Variants in ANKDD1A observed in about 807,000 individuals in gnomAD.
The protein encoded by ANKDD1A is ankyrin repeat and death domain-containing protein 1A.
ANKDD1A carries 59 observed loss-of-function variants against 63.5 expected under a neutral mutation model. The ratio of observed to expected loss-of-function variants is 0.93; its 90% CI spans 0.75 to 1.15. The LOEUF (loss-of-function observed/expected upper bound fraction) is 1.15, where lower values mean the gene tolerates loss of function less well. Among genes scored for constraint, ANKDD1A ranks in the 50% most tolerant of loss-of-function variants. The pLI, the probability that ANKDD1A is intolerant of heterozygous loss-of-function variation, is 0.00. For missense variants in ANKDD1A, 632 were observed against 656.4 expected (o/e 0.96, Z 0.41); for synonymous variants, 266 against 263.9 (o/e 1.01, Z -0.08).
At chr15:64,925,209 C>G (rs1336158614) in intron 4 of ANKDD1A, among the ~76,000 whole-genome samples, 3 of 115,404 alleles carry the variant, frequency 2.6e-5, no homozygotes, top group Admixed American at 1.3e-4. Flanking sequence ...GCCTGGGAGA[C>G]AGAGTGAGAC....
At chr15:64,921,473 C>T (rs2085006170) in intron 3 of ANKDD1A, among the ~76,000 whole-genome samples, 1 of 152,198 alleles carries the variant, frequency 6.6e-6, no homozygotes, top group South Asian at 2.1e-4. Flanking sequence ...CTCCTGGGTT[C>T]AAGCGATTCT....
intron 2 of ANKDD1A, among the ~76,000 whole-genome samples, chr15:64,917,153 G>C (rs1010028427): frequency 3.3e-5 from 5 of 152,210 alleles, no homozygotes; most frequent in African/African-American, 1.2e-4. Flanking sequence ...GAGAAACTGT[G>C]AAGAGTTTTA....
chr15:64,954,346 CCTT>C lies in ANKDD1A; in HGVS notation c.1484-2751_1484-2749del, dbSNP rs144490906. Among the ~76,000 whole-genome samples, 296 of 66,500 alleles carry C rather than the reference CCTT, an allele frequency of 4.5e-3. 2 individuals carry two copies. Among genetic ancestry groups the C allele is most frequent in the East Asian group, 9.1e-3 (21 of 2,314 alleles). 43.6% of individuals were successfully genotyped at this position (66,500 alleles called of 152,430 possible). On this transcript the variant is annotated intron_variant, in intron 14 of 14. Coordinates refer to ENST00000319580, the MANE Select transcript of ANKDD1A (RefSeq NM_182703.6). Reference sequence around the variant, plus strand: ...AGTTCTTCCTTCTTCTTCCTCCTCTCCTTCTTCTCTTCTTCTCCTTCTTCTTCC... The same window carrying C: ...AGTTCTTCCTTCTTCTTCCTCCTCTCCTTCTCTTCTTCTCCTTCTTCTTCC...
intron 14 of ANKDD1A, among the ~76,000 whole-genome samples, chr15:64,952,222 C>T (rs1438959719): frequency 7.6e-5 from 11 of 144,942 alleles, no homozygotes; most frequent in East Asian, 3.9e-4. Flanking sequence ...TCTTCTTCTT[C>T]CTTCTCCTCC....
At chr15:64,940,904 A>G (rs2085178755) in intron 9 of ANKDD1A, among the ~76,000 whole-genome samples, 1 of 151,996 alleles carries the variant, frequency 6.6e-6, no homozygotes, top group Non-Finnish European at 1.5e-5. Flanking sequence ...ATGCTCAGCT[A>G]ATTTTGTTTT....
rs1445982318 is a variant in ANKDD1A, at chr15:64,958,006, GAA to G, written c.*820_*821del. 1.3e-5 allele frequency: 2 copies of G among 152,264 alleles called. No individual in the cohort carries two copies. The highest frequency in any genetic ancestry group is 2.9e-5 in the Non-Finnish European group (2 of 68,044). The allele number at this position is 152,264 out of a possible 1,614,324, so 9.4% of individuals were successfully genotyped here. A position where few individuals can be genotyped will look rare whatever the true frequency, so the allele number is the denominator to read the frequency against. Reference sequence around the variant, plus strand: ...ACAGTGGGGCTGGGACCGGGTGGGAGAAAGAGTTCTCAGTGGTTCCTTTCTAT... The same window carrying G: ...ACAGTGGGGCTGGGACCGGGTGGGAGAGAGTTCTCAGTGGTTCCTTTCTAT... On this transcript the variant is annotated 3_prime_UTR_variant, in exon 15 of 15. Coordinates refer to ENST00000319580, the MANE Select transcript of ANKDD1A (RefSeq NM_182703.6).
At chr15:64,912,248 G>A (rs1293082934) in intron 1 of ANKDD1A, among the ~76,000 whole-genome samples, 1 of 152,248 alleles carries the variant, frequency 6.6e-6, no homozygotes, top group Non-Finnish European at 1.5e-5. Flanking sequence ...ACTGCGTGCT[G>A]TACTTTGTGT....
chr15:64,944,355 A>G (rs1055269605), intron 11 of ANKDD1A, among the ~76,000 whole-genome samples: 2 of 152,206 alleles, frequency 1.3e-5, no homozygotes, highest in Non-Finnish European at 2.9e-5. Context: ...GGGAACCCCT[A>G]TTTCACAGGA....
chr15:64,936,093 A>G (rs1013860585), intron 9 of ANKDD1A, among the ~76,000 whole-genome samples: 6 of 152,200 alleles, frequency 3.9e-5, no homozygotes, highest in Admixed American at 3.3e-4. Flanking sequence ...GGAAACATCT[A>G]TGGTTTAAAT....
At position 64,952,712 on chromosome 15, in the gene ANKDD1A, TTTC is replaced by T. The variant is rs144211701; in HGVS notation, c.1483+2746_1483+2748del. Among the ~76,000 whole-genome samples the T allele has an allele frequency of 1.8e-3, 260 of 141,316 alleles. 1 individual carries two copies. The highest frequency in any genetic ancestry group is 7.2e-3 in the Middle Eastern group (2 of 276). 92.7% of individuals were successfully genotyped at this position (141,316 alleles called of 152,430 possible). On this transcript the variant is annotated intron_variant, in intron 14 of 14. Transcript: ENST00000319580. ...TCCTTTTTCTTCTTAGTTCTTCTCCTTTCTTCTTTCTTCTTCTCCTTCTTCCTC... is the reference window on the plus strand; with the variant it reads ...TCCTTTTTCTTCTTAGTTCTTCTCCTTTCTTTCTTCTTCTCCTTCTTCCTC...
chr15:64,955,014 ACTT>A (rs566019837), intron 14 of ANKDD1A, among the ~76,000 whole-genome samples: 92 of 120,768 alleles, frequency 7.6e-4, no homozygotes, highest in African/African-American at 1.2e-3. Context: ...TTCTTCTTCC[ACTT>A]CTTCTTCTTC....
At chr15:64,945,655 C>T (rs1380219511) in intron 12 of ANKDD1A, among the ~76,000 whole-genome samples, 11 of 47,152 alleles carry the variant, frequency 2.3e-4, no homozygotes, top group South Asian at 1.7e-3. Context: ...TTTTTTGAGA[C>T]GGAGTCTCAC....
chr15:64,952,791 C>CTT (rs1595859592), intron 14 of ANKDD1A, among the ~76,000 whole-genome samples: 3 of 3,818 alleles, frequency 7.9e-4, no homozygotes, highest in Non-Finnish European at 4.0e-3. Flanking sequence ...CCTTCTCCTT[C>CTT]TTCTTTTCTT....
chr15:64,950,022 C>A, intron 14 of ANKDD1A, 50 bp downstream of exon 14: 1 of 1,594,292 alleles, frequency 6.3e-7, no homozygotes. Flanking sequence ...GTGGCCCCCA[C>A]TGGAATGCAG....
chr15:64,913,595 GC>G (rs2084948155), intron 1 of ANKDD1A, among the ~76,000 whole-genome samples: 2 of 152,244 alleles, frequency 1.3e-5, no homozygotes, highest in Admixed American at 6.5e-5. Context: ...CTGTGTGATT[GC>G]CCCCCAGGGT....
At position 64,958,143 on chromosome 15, in the gene ANKDD1A, C is replaced by T. The variant is rs1374223136; in HGVS notation, c.*955C>T. 6.6e-6 allele frequency: 1 copy of T among 152,168 alleles called. No individual in the cohort carries two copies. The highest frequency in any genetic ancestry group is 1.5e-5 in the Non-Finnish European group (1 of 68,050). The allele number at this position is 152,168 out of a possible 1,614,324, so 9.4% of individuals were successfully genotyped here. A position where few individuals can be genotyped will look rare whatever the true frequency, so the allele number is the denominator to read the frequency against. ...AGACAGTAAAAAGATCAGTGATTTCCAGGAGCTGCAAGGGCAGTGAGAGGA... is the reference window on the plus strand; with the variant it reads ...AGACAGTAAAAAGATCAGTGATTTCTAGGAGCTGCAAGGGCAGTGAGAGGA... On this transcript the variant is annotated 3_prime_UTR_variant, in exon 15 of 15. Transcript: ENST00000319580.
At chr15:64,922,256 G>C (rs1451777298) in intron 4 of ANKDD1A, 1 of 519,326 alleles carries the variant, frequency 1.9e-6, no homozygotes, top group Non-Finnish European at 3.4e-6. Flanking sequence ...AACTCCCTCA[G>C]AGGGTAGTTA....
intron 14 of ANKDD1A, among the ~76,000 whole-genome samples, chr15:64,952,076 CTT>C (rs2085296553): frequency 7.6e-4 from 4 of 5,268 alleles, no homozygotes; most frequent in Non-Finnish European, 5.7e-3. Context: ...CTTTCTTCTT[CTT>C]CCTTCTTTTC....
intron 11 of ANKDD1A, chr15:64,943,897 T>C: frequency 2.8e-6 from 1 of 360,776 alleles, no homozygotes; most frequent in Middle Eastern, 8.7e-4. Flanking sequence ...AGTAGACGAA[T>C]ACCACAGTAC....
Sources: gnomAD v4.1 joint callset for allele counts (sites outside exome capture counted in the v4.1 genomes callset) on GRCh38, gnomAD v4.1.1 for gene constraint, MANE v1.5 for transcripts, NCBI Gene and HGNC (gene_info 2026-07-23, HGNC 2026-07-21) for gene names.